CACNB2: variants seen among roughly 807,000 people sequenced by gnomAD.
The protein encoded by CACNB2 is calcium voltage-gated channel auxiliary subunit beta 2.
Under a neutral mutation model 73.3 loss-of-function variants are expected in CACNB2, and 42 were observed. The observed-to-expected ratio is 0.57, with a 90% confidence interval of 0.45 to 0.74. CACNB2 has a LOEUF of 0.74. Among genes scored for constraint, CACNB2 ranks in the 30% least tolerant of loss-of-function variants. The pLI, the probability that CACNB2 is intolerant of heterozygous loss-of-function variation, is 0.00. For synonymous variants in CACNB2, 348 were observed against 310.3 expected, an observed-to-expected ratio of 1.12 and a Z score of -1.28; for missense variants, 940 against 853.0, an observed-to-expected ratio of 1.10 and a Z score of -1.27.
rs561836433 is a variant in CACNB2 at position 18,343,309 on chromosome 10, GT to G, written c.214-58606del. ...ACAATGATCTCTCTGATTTGGGCAG[GT>G]TTTTTTTTATTATTATTGTTACCCG... is the stretch of plus-strand genomic sequence containing the variant. On this transcript the variant is annotated intron_variant, in intron 2 of 13. Coordinates refer to ENST00000324631, the MANE Select transcript of CACNB2 (RefSeq NM_201596.3). Among the ~76,000 whole-genome samples the G allele has an allele frequency of 1.1e-3, 162 of 151,102 alleles. 1 individual carries two copies. The highest frequency in any genetic ancestry group is 3.4e-3 in the Middle Eastern group (1 of 292).
chr10:18,512,164 A>G (rs999871846), intron 6 of CACNB2, among the ~76,000 whole-genome samples: 6 of 152,216 alleles, frequency 3.9e-5, no homozygotes, highest in Admixed American at 3.3e-4. Context: ...ATGTCAAGCA[A>G]CAAAGCTAAA....
intron 2 of CACNB2, chr10:18,261,091 A>G: frequency 1.4e-6 from 2 of 1,441,340 alleles, no homozygotes. Context: ...AAGTTTTGGC[A>G]TGCCTGCAGG....
At chr10:18,204,747 G>A (rs547220020) in intron 2 of CACNB2, among the ~76,000 whole-genome samples, 2 of 152,222 alleles carry the variant, frequency 1.3e-5, no homozygotes, top group South Asian at 2.1e-4. Context: ...TCAGAACTTG[G>A]TGATATCCAG....
chr10:18,443,993 G>A (rs140855870), intron 3 of CACNB2, among the ~76,000 whole-genome samples: 192 of 152,244 alleles, frequency 1.3e-3, no homozygotes, highest in African/African-American at 4.3e-3. Context: ...GGAATTACAG[G>A]CGTGAGCCAC....
intron 2 of CACNB2, among the ~76,000 whole-genome samples, chr10:18,241,956 A>G (rs1237166037): frequency 6.6e-6 from 1 of 152,108 alleles, no homozygotes; most frequent in African/African-American, 2.4e-5. Flanking sequence ...ATATTCAAAT[A>G]ACAATAACTA....
chr10:18,145,518 G>A (rs1010282328), intron 1 of CACNB2, among the ~76,000 whole-genome samples: 4 of 151,942 alleles, frequency 2.6e-5, no homozygotes, highest in African/African-American at 7.3e-5. Flanking sequence ...TTGAGGTTTT[G>A]TTGTTCTTAC....
At chr10:18,228,286 C>A (rs953845902) in intron 2 of CACNB2, among the ~76,000 whole-genome samples, 1 of 151,540 alleles carries the variant, frequency 6.6e-6, no homozygotes, top group Non-Finnish European at 1.5e-5. Flanking sequence ...CAAAGTTAGC[C>A]GGATGTGGTG....
chr10:18,380,784 A>T (rs1471565300), intron 2 of CACNB2, among the ~76,000 whole-genome samples: 1 of 152,014 alleles, frequency 6.6e-6, no homozygotes, highest in Admixed American at 6.6e-5. Flanking sequence ...TTAGGTTTAG[A>T]GAAAGATGCA....
At chr10:18,252,930 A>G (rs2037145837) in intron 2 of CACNB2, among the ~76,000 whole-genome samples, 1 of 152,168 alleles carries the variant, frequency 6.6e-6, no homozygotes, top group African/African-American at 2.4e-5. Context: ...TGGTTAATTA[A>G]CCATTATGTG....
intron 2 of CACNB2, among the ~76,000 whole-genome samples, chr10:18,264,601 A>G (rs1028812104): frequency 6.6e-6 from 1 of 152,188 alleles, no homozygotes; most frequent in Non-Finnish European, 1.5e-5. Flanking sequence ...ATTTTATTCA[A>G]ATGAACTCAA....
At chr10:18,152,298 G>C (rs116489150) in intron 2 of CACNB2, among the ~76,000 whole-genome samples, 1 of 152,146 alleles carries the variant, frequency 6.6e-6, no homozygotes, top group Non-Finnish European at 1.5e-5. Context: ...GTCCTGGTCC[G>C]TGCCAATTGG....
At chr10:18,443,390 C>G (rs915067268) in intron 3 of CACNB2, among the ~76,000 whole-genome samples, 1 of 151,976 alleles carries the variant, frequency 6.6e-6, no homozygotes, top group African/African-American at 2.4e-5. Context: ...TTCTGACAAG[C>G]AGGGGACTTG....
intron 3 of CACNB2, among the ~76,000 whole-genome samples, chr10:18,489,429 T>C (rs1233173410): frequency 2.1e-5 from 3 of 144,120 alleles, no homozygotes; most frequent in African/African-American, 7.6e-5. Context: ...TCACAAATGT[T>C]GTCTTAAAAT....
At chr10:18,410,921 A>G (rs2044588444) in intron 3 of CACNB2, among the ~76,000 whole-genome samples, 2 of 152,196 alleles carry the variant, frequency 1.3e-5, no homozygotes, top group South Asian at 4.1e-4. Context: ...CAGAGGTTGC[A>G]GTGAGCTGAG....
At chr10:18,241,612 A>G (rs1051293876) in intron 2 of CACNB2, among the ~76,000 whole-genome samples, 4 of 152,334 alleles carry the variant, frequency 2.6e-5, no homozygotes, top group South Asian at 2.1e-4. Flanking sequence ...CAGGTGACCT[A>G]TAAAGAGGTA....
At chr10:18,374,808 G>A (rs2042727669) in intron 2 of CACNB2, among the ~76,000 whole-genome samples, 2 of 152,242 alleles carry the variant, frequency 1.3e-5, no homozygotes, top group South Asian at 4.1e-4. Context: ...TCAGCTCTAT[G>A]CATAGGGTAC....
intron 2 of CACNB2, among the ~76,000 whole-genome samples, chr10:18,244,448 A>C (rs16917091): frequency 0.15 from 22,975 of 152,250 alleles, 2,074 homozygotes; most frequent in African/African-American, 0.26. Context: ...CGTGCAAAAC[A>C]GTCTCTCATA....
chr10:18,322,821 T>G (rs1273334082), intron 2 of CACNB2, among the ~76,000 whole-genome samples: 1 of 152,068 alleles, frequency 6.6e-6, no homozygotes, highest in Non-Finnish European at 1.5e-5. Context: ...GTAGTGATAG[T>G]GTATTAAATT....
chr10:18,162,691 T>C (rs1400952146), intron 2 of CACNB2, among the ~76,000 whole-genome samples: 2 of 152,118 alleles, frequency 1.3e-5, no homozygotes, highest in Admixed American at 6.6e-5. Flanking sequence ...ATAAAAACCT[T>C]AGGTAAGAAC....
Sources: allele counts gnomAD v4.1 joint callset (sites outside exome capture counted in the v4.1 genomes callset), GRCh38; gene constraint gnomAD v4.1.1; transcripts MANE v1.5; gene names NCBI Gene and HGNC (gene_info 2026-07-23, HGNC 2026-07-21).